The following ERI1 variants were observed in gnomAD, a reference collection of about 807,000 sequenced individuals.
ERI1 encodes the protein 3'-5' exoribonuclease 1.
In ERI1, 39 loss-of-function variants were observed where a neutral mutation model predicts 39.7. The observed-to-expected ratio is 0.98, with a 90% CI of 0.76 to 1.28. The LOEUF is 1.28. Among genes scored for constraint, ERI1 ranks in the 50% most tolerant of loss-of-function variants. The pLI is 0.00. For missense variants in ERI1, 581 were observed against 416.9 expected (o/e 1.39, Z -3.43); for synonymous variants, 204 against 149.6 (o/e 1.36, Z -2.65).
At chr8:9,066,677 A>C (rs1798889898) in intron 3 of ERI1, among the ~76,000 whole-genome samples, 1 of 152,236 alleles carries the variant, frequency 6.6e-6, no homozygotes, top group Non-Finnish European at 1.5e-5. Context: ...GACATACTTA[A>C]CATTTTAAGT....
intron 3 of ERI1, among the ~76,000 whole-genome samples, chr8:9,052,411 A>G (rs1798386358): frequency 6.6e-6 from 1 of 152,144 alleles, no homozygotes; most frequent in Non-Finnish European, 1.5e-5. Flanking sequence ...GTTTGAGAAC[A>G]GTCACCTCCT....
rs146613945 is a variant in ERI1, at chr8:9,029,947, A to C, written c.963A>C (p.Lys321Asn). The C allele has an allele frequency of 1.2e-5, 20 of 1,614,016 alleles. No individual in the cohort carries two copies. Among genetic ancestry groups the C allele is most frequent in the African/African-American group, 6.7e-5 (5 of 74,908 alleles). Residue 321 changes from lysine to asparagine, a missense_variant, in exon 7 of 7, where the codon AAA (lysine) becomes AAC (asparagine). Transcript: ENST00000250263. ...GGTGTGAACTCCGAATCAACGAGAAAATGCATGCAGGACAGCTAATGAGTG... is the reference window on the plus strand; with the variant it reads ...GGTGTGAACTCCGAATCAACGAGAACATGCATGCAGGACAGCTAATGAGTG... The part of the protein sequence containing the change: ...QDGCELRINE[K>N]MHAGQLMSVS...
chr8:9,020,971 C>T (rs1817824894), intron 6 of ERI1, among the ~76,000 whole-genome samples: 1 of 151,974 alleles, frequency 6.6e-6, no homozygotes, highest in African/African-American at 2.4e-5. Flanking sequence ...AAGTTTCATG[C>T]TTATACTACT....
intron 3 of ERI1, among the ~76,000 whole-genome samples, chr8:9,067,777 A>G (rs951060490): frequency 6.6e-6 from 1 of 152,170 alleles, no homozygotes; most frequent in African/African-American, 2.4e-5. Flanking sequence ...AATGATTTCA[A>G]GATTACACAG....
intron 3 of ERI1, among the ~76,000 whole-genome samples, chr8:9,090,155 T>G (rs111279692): frequency 6.6e-6 from 1 of 152,102 alleles, no homozygotes; most frequent in Non-Finnish European, 1.5e-5. Flanking sequence ...TAAGCAAACC[T>G]TATCCAAGGA....
chr8:9,093,967 C>G (rs1189462444), intron 3 of ERI1, among the ~76,000 whole-genome samples: 2 of 152,160 alleles, frequency 1.3e-5, no homozygotes, highest in Non-Finnish European at 2.9e-5. Context: ...ACTTATCATT[C>G]AAAAGCAAAT....
chr8:9,055,302 C>T (rs1229793405), intron 3 of ERI1, among the ~76,000 whole-genome samples: 6 of 152,256 alleles, frequency 3.9e-5, no homozygotes, highest in Non-Finnish European at 8.8e-5. Flanking sequence ...CTATTTACAA[C>T]TCCATTGAGG....
chr8:9,045,456 A>G (rs999571195), intron 3 of ERI1, among the ~76,000 whole-genome samples: 3 of 151,860 alleles, frequency 2.0e-5, no homozygotes, highest in Non-Finnish European at 4.4e-5. Context: ...AGACTTTAGT[A>G]GAAACATTCA....
intron 3 of ERI1, among the ~76,000 whole-genome samples, chr8:9,076,314 G>A (rs772557156): frequency 1.1e-4 from 17 of 152,134 alleles, no homozygotes; most frequent in Non-Finnish European, 2.1e-4. Context: ...CTAAAACTAC[G>A]GTACAGAAGA....
At chr8:9,079,083 A>C (rs1799295623) in intron 3 of ERI1, among the ~76,000 whole-genome samples, 1 of 152,200 alleles carries the variant, frequency 6.6e-6, no homozygotes, top group Non-Finnish European at 1.5e-5. Flanking sequence ...TGAAAGGAAA[A>C]TTCTTTATGG....
intron 3 of ERI1, among the ~76,000 whole-genome samples, chr8:9,043,181 A>G (rs1242478834): frequency 1.3e-5 from 2 of 152,176 alleles, no homozygotes; most frequent in Non-Finnish European, 2.9e-5. Context: ...ATTGATGCAA[A>G]CCATTTCTGA....
At chr8:9,095,093 T>C (rs1563102609) in intron 3 of ERI1, among the ~76,000 whole-genome samples, 1 of 152,220 alleles carries the variant, frequency 6.6e-6, no homozygotes, top group African/African-American at 2.4e-5. Context: ...ATGAGGATTG[T>C]ATAACCTGCT....
chr8:9,047,460 C>T (rs1798209362), intron 3 of ERI1, among the ~76,000 whole-genome samples: 1 of 152,032 alleles, frequency 6.6e-6, no homozygotes, highest in Non-Finnish European at 1.5e-5. Context: ...AGTTCTGAAG[C>T]TGAAAATGTC....
chr8:9,024,299 T>C (rs1818235269), intron 6 of ERI1, among the ~76,000 whole-genome samples: 1 of 152,258 alleles, frequency 6.6e-6, no homozygotes, highest in African/African-American at 2.4e-5. Context: ...GTATAAGATT[T>C]TGGGGGAAAT....
At chr8:9,024,085 C>G (rs919376707) in intron 6 of ERI1, among the ~76,000 whole-genome samples, 1 of 152,082 alleles carries the variant, frequency 6.6e-6, no homozygotes, top group African/African-American at 2.4e-5. Context: ...TAGGCATGAG[C>G]CATTGCGCCT....
At chr8:9,016,093 C>G (rs1563319005) in intron 3 of ERI1, among the ~76,000 whole-genome samples, 1 of 152,098 alleles carries the variant, frequency 6.6e-6, no homozygotes, top group Admixed American at 6.5e-5. Context: ...GGGTTGAAAT[C>G]TTTCACACAC....
intron 3 of ERI1, among the ~76,000 whole-genome samples, chr8:9,078,516 G>A (rs183442652): frequency 6.6e-6 from 1 of 152,160 alleles, no homozygotes; most frequent in Non-Finnish European, 1.5e-5. Context: ...TGCAGACTCT[G>A]CTTCCCCTCA....
intron 4 of ERI1, 138 bp downstream of exon 4, chr8:9,016,543 ATAAT>A (rs916620878): frequency 1.4e-5 from 6 of 421,950 alleles, no homozygotes; most frequent in Admixed American, 8.8e-5. Context: ...TCATGTTGTA[ATAAT>A]TAAAAAAAAA....
chr8:9,004,814 A>C (rs990341219), intron 1 of ERI1, among the ~76,000 whole-genome samples: 6 of 150,442 alleles, frequency 4.0e-5, no homozygotes, highest in African/African-American at 9.8e-5. Context: ...CAGCCTCCCT[A>C]GTAGCTGGGA....
Sources: allele counts gnomAD v4.1 joint callset (sites outside exome capture counted in the v4.1 genomes callset), GRCh38; gene constraint gnomAD v4.1.1; transcripts MANE v1.5; gene names NCBI Gene and HGNC (gene_info 2026-07-23, HGNC 2026-07-21).